CEP128: variants seen among roughly 807,000 people sequenced by gnomAD.
CEP128 encodes centrosomal protein 128.
CEP128 carries 132 observed loss-of-function variants against 156.7 expected under a neutral mutation model. That is an observed-to-expected ratio of 0.84 (90% CI 0.73 to 0.97). CEP128 has a LOEUF of 0.97. Among genes scored for constraint, CEP128 ranks in the 50% least tolerant of loss-of-function variants. The pLI is 0.00. For synonymous variants in CEP128, 469 were observed against 448.9 expected, an observed-to-expected ratio of 1.04 and a Z score of -0.57; for missense variants, 1,252 against 1,281.9, an observed-to-expected ratio of 0.98 and a Z score of 0.36.
chr14:80,808,087 A>G (rs1428172024), intron 13 of CEP128, among the ~76,000 whole-genome samples: 1 of 152,214 alleles, frequency 6.6e-6, no homozygotes, highest in African/African-American at 2.4e-5. Flanking sequence ...CCCCACCACC[A>G]GTAGTGGCAC....
At chr14:80,665,699 C>T (rs942271781) in intron 19 of CEP128, among the ~76,000 whole-genome samples, 1 of 151,544 alleles carries the variant, frequency 6.6e-6, no homozygotes, top group Non-Finnish European at 1.5e-5. Flanking sequence ...TTTATAGAGA[C>T]AGGCAGATAT....
At chr14:80,944,310 G>A (rs1176220269), upstream of CEP128, among the ~76,000 whole-genome samples, 1 of 152,132 alleles carries the variant, frequency 6.6e-6, no homozygotes, top group Non-Finnish European at 1.5e-5. Flanking sequence ...CATGTTGGGG[G>A]AGGAACCTTG....
chr14:80,880,682 C>G (rs1278098806), intron 8 of CEP128, among the ~76,000 whole-genome samples: 1 of 130,842 alleles, frequency 7.6e-6, no homozygotes, highest in Non-Finnish European at 1.6e-5. Flanking sequence ...CAGTGAAACC[C>G]CCTCTCTACT....
downstream of CEP128, among the ~76,000 whole-genome samples, chr14:80,489,781 T>A (rs1026722744): frequency 2.0e-5 from 3 of 151,956 alleles, no homozygotes; most frequent in Non-Finnish European, 4.4e-5. Flanking sequence ...ACATCTCCAG[T>A]GGAAGTGGAA....
intron 13 of CEP128, among the ~76,000 whole-genome samples, chr14:80,799,726 C>T (rs562658060): frequency 2.0e-5 from 3 of 152,280 alleles, no homozygotes; most frequent in Admixed American, 6.5e-5. Context: ...ATGCCCTGGT[C>T]TCCTGCAGTA....
chr14:80,478,064 T>C (rs1886977104), exon 15 of CEP128: 2 of 152,280 alleles, frequency 1.3e-5, no homozygotes, highest in Admixed American at 6.5e-5. Flanking sequence ...CCCACAGTTT[T>C]TTCCCCCCTT....
chr14:80,762,503 G>A (rs903209098), intron 16 of CEP128, among the ~76,000 whole-genome samples: 1 of 151,600 alleles, frequency 6.6e-6, no homozygotes, highest in African/African-American at 2.4e-5. Context: ...AAAATAACAA[G>A]GAGATCCACT....
At chr14:80,643,667 G>A (rs530625664) in intron 19 of CEP128, among the ~76,000 whole-genome samples, 6 of 151,758 alleles carry the variant, frequency 4.0e-5, no homozygotes, top group Non-Finnish European at 5.9e-5. Context: ...CTGAGATCAC[G>A]CCACTGCACT....
chr14:80,532,201 ATT>A (rs1222552710), intron 21 of CEP128, among the ~76,000 whole-genome samples: 57 of 146,994 alleles, frequency 3.9e-4, no homozygotes, highest in African/African-American at 1.2e-3. Flanking sequence ...ATATATATAT[ATT>A]TTTTTTCTGA....
intron 19 of CEP128, among the ~76,000 whole-genome samples, chr14:80,593,140 T>C (rs1392238172): frequency 1.3e-5 from 2 of 152,134 alleles, no homozygotes; most frequent in Admixed American, 1.3e-4. Context: ...GTATTGGAAG[T>C]TCTGGCCAGG....
chr14:80,628,577 T>C (rs2140709624), intron 19 of CEP128, among the ~76,000 whole-genome samples: 1 of 152,280 alleles, frequency 6.6e-6, no homozygotes, highest in South Asian at 2.1e-4. Context: ...CTAAAAAGCG[T>C]CCGCACAACT....
At chr14:80,768,690 G>T (rs1356677635) in intron 16 of CEP128, among the ~76,000 whole-genome samples, 1 of 152,196 alleles carries the variant, frequency 6.6e-6, no homozygotes, top group African/African-American at 2.4e-5. Flanking sequence ...ACTTGGGTGT[G>T]AATGACTTTC....
intron 9 of CEP128, among the ~76,000 whole-genome samples, chr14:80,847,986 G>A (rs1193383503): frequency 6.6e-6 from 1 of 152,070 alleles, no homozygotes. Flanking sequence ...AACACTTACT[G>A]GGCCCCTACT....
intron 19 of CEP128, among the ~76,000 whole-genome samples, chr14:80,620,524 A>G (rs1379408177): frequency 6.6e-6 from 1 of 152,236 alleles, no homozygotes; most frequent in East Asian, 1.9e-4. Flanking sequence ...TAAAGGAATT[A>G]GAATTTGGCT....
At position 80,785,004 on chromosome 14, in the gene CEP128, G is replaced by A. The variant is rs1289600012; in HGVS notation, c.2102C>T (p.Thr701Ile). ...DVHQRELKDL[T>I]SSLQSVKTKH... ...TGTTTTCACACTCTGCAATGATGAT[G>A]TGAGATCTTTCAGCTCCCTCTGGTG... The change falls in exon 15 of 25, where the codon ACA becomes ATA. Residue 701 changes from threonine (T) to isoleucine (I), a missense_variant. Thr to Ile is a moderately conservative substitution (Grantham distance 89). Transcript: ENST00000555265. 3 of 1,614,036 alleles carry A rather than the reference G, an allele frequency of 1.9e-6. No homozygotes were observed. The highest frequency in any genetic ancestry group is 1.7e-6 in the Non-Finnish European group (2 of 1,179,980).
At chr14:80,931,699 A>G (rs1885476941) in intron 2 of CEP128, among the ~76,000 whole-genome samples, 1 of 152,208 alleles carries the variant, frequency 6.6e-6, no homozygotes, top group African/African-American at 2.4e-5. Flanking sequence ...CTGTCACTTC[A>G]CGGGAAAACG....
At chr14:80,862,926 G>A in intron 8 of CEP128, 53 bp from the exon 9 acceptor site, 1 of 1,263,748 alleles carries the variant, frequency 7.9e-7, no homozygotes, top group East Asian at 2.3e-5. Flanking sequence ...AAGCAAAACA[G>A]ACTAAATTGA....
chr14:80,754,350 A>G (rs755383699), intron 18 of CEP128, among the ~76,000 whole-genome samples: 1 of 152,028 alleles, frequency 6.6e-6, no homozygotes, highest in Non-Finnish European at 1.5e-5. Flanking sequence ...CATCTGGGAC[A>G]TCAGCCTCCA....
At chr14:80,851,427 G>A (rs1212484377) in intron 9 of CEP128, among the ~76,000 whole-genome samples, 1 of 152,094 alleles carries the variant, frequency 6.6e-6, no homozygotes, top group Admixed American at 6.6e-5. Flanking sequence ...CCTGAGGAAC[G>A]AGAAGGGAGA....
Sources: gnomAD v4.1 joint callset for allele counts (sites outside exome capture counted in the v4.1 genomes callset) on GRCh38, gnomAD v4.1.1 for gene constraint, MANE v1.5 for transcripts, NCBI Gene and HGNC (gene_info 2026-07-23, HGNC 2026-07-21) for gene names.